Variants in SLC4A4 observed in about 807,000 individuals in gnomAD.
SLC4A4 encodes the protein electrogenic sodium bicarbonate cotransporter 1.
Under a neutral mutation model 111.5 loss-of-function variants are expected in SLC4A4, and 27 were observed. The observed-to-expected ratio is 0.24, with a 90% CI of 0.18 to 0.33. The LOEUF (loss-of-function observed/expected upper bound fraction) is 0.33. Among genes scored for constraint, SLC4A4 ranks in the 10% least tolerant of loss-of-function variants. The pLI is 1.00. For synonymous variants in SLC4A4, 443 were observed against 463.4 expected, an observed-to-expected ratio of 0.96 and a Z score of 0.57; for missense variants, 909 against 1,315.5, an observed-to-expected ratio of 0.69 and a Z score of 4.78.
chr4:71,434,714 G>A (rs993933394), intron 7 of SLC4A4: 1 of 151,918 alleles, frequency 6.6e-6, no homozygotes, highest in African/African-American at 2.4e-5. Context: ...TAAGCAAATT[G>A]AGCAAAGTCT....
chr4:71,221,550 GT>G (rs113720176), intron 1 of SLC4A4, among the ~76,000 whole-genome samples: 1 of 152,054 alleles, frequency 6.6e-6, no homozygotes, highest in African/African-American at 2.4e-5. Context: ...AATCGTGGGT[GT>G]TAAAAAAAAA....
intron 2 of SLC4A4, among the ~76,000 whole-genome samples, chr4:71,238,342 C>G (rs2602068): frequency 0.92 from 139,386 of 152,248 alleles, 64,578 homozygotes; most frequent in East Asian, 0.99. Context: ...GTTTCCTGAA[C>G]TATTTCCCTT....
At chr4:71,258,359 C>T (rs543955609) in intron 3 of SLC4A4, among the ~76,000 whole-genome samples, 1 of 152,318 alleles carries the variant, frequency 6.6e-6, no homozygotes, top group East Asian at 1.9e-4. Context: ...TTACTACTCT[C>T]TCTAGTGCAG....
At chr4:71,170,953 G>T (rs997560950) in intron 2 of SLC4A4, among the ~76,000 whole-genome samples, 2 of 152,134 alleles carry the variant, frequency 1.3e-5, no homozygotes, top group Non-Finnish European at 1.5e-5. Flanking sequence ...CAAGGGACTG[G>T]GACCAAGAAA....
At chr4:71,564,140 A>G (rs953937845) in intron 24 of SLC4A4, among the ~76,000 whole-genome samples, 6 of 151,676 alleles carry the variant, frequency 4.0e-5, no homozygotes, top group South Asian at 2.1e-4. Flanking sequence ...CAGTTTTTCC[A>G]ATGGCTAAAT....
At chr4:71,507,946 C>T (rs1267582665) in intron 16 of SLC4A4, among the ~76,000 whole-genome samples, 1 of 151,982 alleles carries the variant, frequency 6.6e-6, no homozygotes, top group African/African-American at 2.4e-5. Context: ...CACTCAAAAC[C>T]ATAAAACATG....
intron 1 of SLC4A4, among the ~76,000 whole-genome samples, chr4:71,212,720 A>G (rs889840774): frequency 1.3e-5 from 2 of 152,168 alleles, no homozygotes; most frequent in Non-Finnish European, 2.9e-5. Flanking sequence ...TAGCAGGTTT[A>G]GTTTTGGGTA....
intron 7 of SLC4A4, among the ~76,000 whole-genome samples, chr4:71,439,044 C>T (rs887904648): frequency 6.6e-6 from 1 of 151,850 alleles, no homozygotes; most frequent in Non-Finnish European, 1.5e-5. Flanking sequence ...ATTCTCTCCT[C>T]CCCTAGCTTC....
chr4:71,143,260 C>A (rs1159147924), intron 2 of SLC4A4, among the ~76,000 whole-genome samples: 2 of 152,046 alleles, frequency 1.3e-5, no homozygotes, highest in Non-Finnish European at 2.9e-5. Flanking sequence ...CATCCATGTC[C>A]CTACAAAGGA....
At chr4:71,170,964 A>G (rs1405628330) in intron 2 of SLC4A4, among the ~76,000 whole-genome samples, 1 of 152,228 alleles carries the variant, frequency 6.6e-6, no homozygotes, top group Non-Finnish European at 1.5e-5. Context: ...GACCAAGAAA[A>G]TAAAATACAT....
intron 1 of SLC4A4, among the ~76,000 whole-genome samples, chr4:71,218,143 A>T (rs1718542025): frequency 6.6e-6 from 1 of 152,248 alleles, no homozygotes; most frequent in Non-Finnish European, 1.5e-5. Context: ...AGATGTCATG[A>T]TACTGAACAG....
intron 16 of SLC4A4, among the ~76,000 whole-genome samples, chr4:71,512,459 A>G (rs1210707283): frequency 6.6e-6 from 1 of 152,090 alleles, no homozygotes; most frequent in Non-Finnish European, 1.5e-5. Flanking sequence ...AGAAATGTCT[A>G]TTCGTGTCCT....
At chr4:71,376,156 TACACACAC>T (rs146405766) in intron 6 of SLC4A4, among the ~76,000 whole-genome samples, 60 of 135,552 alleles carry the variant, frequency 4.4e-4, no homozygotes, top group South Asian at 2.0e-3. Context: ...CCTGTATATA[TACACACAC>T]ACACACACAC....
intron 14 of SLC4A4, among the ~76,000 whole-genome samples, chr4:71,485,763 A>G (rs1017546381): frequency 3.3e-5 from 5 of 151,432 alleles, no homozygotes; most frequent in African/African-American, 9.7e-5. Flanking sequence ...TTCTTCCCCA[A>G]TTTATCTGCT....
intron 11 of SLC4A4, 146 bp downstream of exon 11, chr4:71,451,447 A>C (rs940272913): frequency 7.3e-5 from 52 of 710,076 alleles, no homozygotes; most frequent in Non-Finnish European, 1.3e-5. Context: ...AGGCACTGGG[A>C]ATATAGCAGT....
chr4:71,141,282 T>C (rs1186109399), intron 2 of SLC4A4, among the ~76,000 whole-genome samples: 2 of 152,208 alleles, frequency 1.3e-5, no homozygotes, highest in African/African-American at 4.8e-5. Flanking sequence ...CAGTATGATC[T>C]TATAGCCACA....
At chr4:71,543,394 A>G (rs1379772711) in intron 18 of SLC4A4, among the ~76,000 whole-genome samples, 9 of 152,124 alleles carry the variant, frequency 5.9e-5, no homozygotes, top group Admixed American at 5.9e-4. Context: ...AGTGTGGCTG[A>G]GGAGATGGAA....
At chr4:71,111,789 C>G (rs1397154765) in intron 2 of SLC4A4, among the ~76,000 whole-genome samples, 1 of 151,148 alleles carries the variant, frequency 6.6e-6, no homozygotes, top group East Asian at 2.0e-4. Context: ...CTCTGCCTCC[C>G]AGGCTCAAGT....
chr4:71,097,161 C>G (rs531730641), intron 2 of SLC4A4, among the ~76,000 whole-genome samples: 148 of 152,194 alleles, frequency 9.7e-4, no homozygotes, highest in South Asian at 1.9e-3. Context: ...TTTTGTGTTC[C>G]TCTCCCTCCT....
Sources: allele counts gnomAD v4.1 joint callset (sites outside exome capture counted in the v4.1 genomes callset), GRCh38; gene constraint gnomAD v4.1.1; transcripts MANE v1.5; gene names NCBI Gene and HGNC (gene_info 2026-07-23, HGNC 2026-07-21).